Variants in MCCC1 observed in about 807,000 individuals in gnomAD.
MCCC1 encodes the protein methylcrotonoyl-CoA carboxylase subunit alpha, mitochondrial.
Under a neutral mutation model 83.8 loss-of-function variants are expected in MCCC1, and 64 were observed. That is an observed-to-expected ratio of 0.76 (90% CI 0.62 to 0.94). MCCC1 has a LOEUF of 0.94. Among genes scored for constraint, MCCC1 ranks in the 40% least tolerant of loss-of-function variants. The probability of loss-of-function intolerance (pLI) is 0.00; values close to 1 mark genes in which losing one functional copy is unlikely to be tolerated. For missense variants in MCCC1, 807 were observed against 904.7 expected, an observed-to-expected ratio of 0.89 and a Z score of 1.39; for synonymous variants, 322 against 315.4, an observed-to-expected ratio of 1.02 and a Z score of -0.22.
chr3:183,097,246 CAA>C (rs578052100), intron 1 of MCCC1, among the ~76,000 whole-genome samples: 2 of 135,290 alleles, frequency 1.5e-5, no homozygotes, highest in Admixed American at 7.4e-5. Flanking sequence ...GACTCCGTCT[CAA>C]AAAAAAAAAA....
At chr3:183,072,601 T>C in intron 4 of MCCC1, 114 bp from the exon 5 acceptor site, 1 of 1,142,526 alleles carries the variant, frequency 8.8e-7, no homozygotes, top group South Asian at 1.3e-5. Context: ...GGTAATAGTA[T>C]GGTCTCTATT....
At chr3:183,102,518 C>A (rs1719329433), upstream of MCCC1, among the ~76,000 whole-genome samples, 1 of 151,828 alleles carries the variant, frequency 6.6e-6, no homozygotes, top group Admixed American at 6.6e-5. Flanking sequence ...AAGAGAAAAA[C>A]TTATATTCAC....
intron 17 of MCCC1, among the ~76,000 whole-genome samples, chr3:183,018,678 G>A (rs1711896867): frequency 6.6e-6 from 1 of 152,114 alleles, no homozygotes; most frequent in Non-Finnish European, 1.5e-5. Context: ...TTTCAAGAAT[G>A]TAGAAACAAG....
chr3:183,047,094 A>G (rs1286627362), intron 9 of MCCC1, among the ~76,000 whole-genome samples: 2 of 152,208 alleles, frequency 1.3e-5, no homozygotes, highest in Non-Finnish European at 2.9e-5. Flanking sequence ...AGGGAAATGA[A>G]ACCACTTTGA....
rs959381396 is a variant in MCCC1, at chr3:183,064,436, G to C, written c.761+6563C>G. 2.6e-5 allele frequency among the ~76,000 whole-genome samples: 4 copies of C among 152,100 alleles called. No homozygotes were observed. Among genetic ancestry groups the C allele is most frequent in the African/African-American group, 9.7e-5 (4 of 41,418 alleles). On this transcript the variant is annotated intron_variant, in intron 7 of 18. Transcript: ENST00000265594. This position sits in a 1 kb window ranked among gnomAD's most constrained non-coding sequence, Gnocchi z 4.5. ...AACGCCTCCCTTCCTGGCTTCCCTC[G>C]CTCCAGGAGACGCTTGGTGGGCACC...
chr3:183,089,452 A>C (rs1313320963), intron 3 of MCCC1, among the ~76,000 whole-genome samples: 1 of 152,126 alleles, frequency 6.6e-6, no homozygotes, highest in Non-Finnish European at 1.5e-5. Flanking sequence ...ATCTCTACAA[A>C]AAATTTTAAA....
At chr3:183,097,908 T>A (rs1577373385) in intron 1 of MCCC1, among the ~76,000 whole-genome samples, 1 of 152,072 alleles carries the variant, frequency 6.6e-6, no homozygotes, top group African/African-American at 2.4e-5. Context: ...ACCAACTTTT[T>A]TTTTTATTTT....
chr3:183,051,912 C>T (rs1412703334), intron 9 of MCCC1, among the ~76,000 whole-genome samples: 1 of 152,020 alleles, frequency 6.6e-6, no homozygotes, highest in Non-Finnish European at 1.5e-5. Flanking sequence ...AAATAGAATA[C>T]AAAATATCAA....
chr3:183,055,870 C>G (rs1446954078), intron 8 of MCCC1, among the ~76,000 whole-genome samples: 1 of 152,108 alleles, frequency 6.6e-6, no homozygotes, highest in Non-Finnish European at 1.5e-5. Context: ...TGCACTCCAG[C>G]CTGGATGACA....
At chr3:183,072,245 C>T in intron 5 of MCCC1, 121 bp downstream of exon 5, 1 of 1,202,584 alleles carries the variant, frequency 8.3e-7, no homozygotes, top group Non-Finnish European at 1.2e-6. Context: ...TTCCTGGCCT[C>T]AAGCTATCCT....
intron 9 of MCCC1, among the ~76,000 whole-genome samples, chr3:183,045,791 C>A (rs903420931): frequency 6.6e-6 from 1 of 152,134 alleles, no homozygotes; most frequent in Non-Finnish European, 1.5e-5. Flanking sequence ...ATTATGAATC[C>A]GTTTCAGCTT....
chr3:183,070,756 C>A (rs1577327673), intron 7 of MCCC1, among the ~76,000 whole-genome samples: 1 of 151,652 alleles, frequency 6.6e-6, no homozygotes, highest in East Asian at 1.9e-4. Flanking sequence ...AAATTCTATT[C>A]ACTGTTCTTA....
intron 7 of MCCC1, among the ~76,000 whole-genome samples, chr3:183,070,022 G>C (rs1716535289): frequency 6.6e-6 from 1 of 152,156 alleles, no homozygotes; most frequent in Non-Finnish European, 1.5e-5. Context: ...CTGTTGCTTA[G>C]TGTCCTCACC....
intron 7 of MCCC1, among the ~76,000 whole-genome samples, chr3:183,061,294 G>C (rs1715815389): frequency 6.6e-6 from 1 of 152,146 alleles, no homozygotes; most frequent in Admixed American, 6.5e-5. Flanking sequence ...GAAGACTAAA[G>C]GGGGTTGTGG....
intron 2 of MCCC1, 109 bp from the exon 3 acceptor site, chr3:183,092,654 G>A: frequency 4.2e-6 from 6 of 1,439,154 alleles, no homozygotes; most frequent in Middle Eastern, 2.0e-4. Context: ...TAAGTTCAAG[G>A]TTTTTGGTAA....
chr3:183,050,315 T>A (rs993987079), intron 9 of MCCC1, among the ~76,000 whole-genome samples: 4 of 152,028 alleles, frequency 2.6e-5, no homozygotes, highest in Non-Finnish European at 5.9e-5. Flanking sequence ...CAAGCTTGAG[T>A]ATGGTGATGA....
In MCCC1 at chr3:183,052,162, C is replaced by A. The variant is rs1260150520; in HGVS notation, c.952G>T (p.Ala318Ser). Residue 318 changes from alanine to serine, a missense_variant, in exon 9 of 19, where the codon GCA becomes TCA. By Grantham distance (99) the Ala-to-Ser change is moderately conservative. Coordinates refer to ENST00000265594, the MANE Select transcript of MCCC1 (RefSeq NM_020166.5). The stretch of plus-strand genomic sequence containing the variant: ...TTAGAAGCAAATCTTAACCTACCTG[C>A]TCCAACATAATTTACAGCTTTAGCA... Reference protein sequence around the residue: ...RAAKAVNYVGAGTVEFIMDSK... With the variant: ...RAAKAVNYVGSGTVEFIMDSK... 2.5e-6 allele frequency: 4 copies of A among 1,613,860 alleles called. No homozygotes were observed. The highest frequency in any genetic ancestry group is 3.4e-6 in the Non-Finnish European group (4 of 1,179,902).
intron 10 of MCCC1, among the ~76,000 whole-genome samples, chr3:183,043,560 G>A (rs948460157): frequency 2.0e-5 from 3 of 152,204 alleles, no homozygotes; most frequent in African/African-American, 7.2e-5. Flanking sequence ...AGGCTTGACT[G>A]CACAGGCAGG....
chr3:183,103,132 G>A (rs1719345774), upstream of MCCC1, among the ~76,000 whole-genome samples: 1 of 152,018 alleles, frequency 6.6e-6, no homozygotes, highest in African/African-American at 2.4e-5. Context: ...TCCTTCTGGT[G>A]GGTTCCTGGT....
Sources: gnomAD v4.1 joint callset for allele counts (sites outside exome capture counted in the v4.1 genomes callset) on GRCh38, gnomAD v4.1.1 for gene constraint, Gnocchi (gnomAD v3.1) non-coding constraint, MANE v1.5 for transcripts, NCBI Gene and HGNC (gene_info 2026-07-23, HGNC 2026-07-21) for gene names.